The following CCDC38 variants were observed in gnomAD, a reference collection of about 807,000 sequenced individuals.
The protein encoded by CCDC38 is coiled-coil domain containing 38, also known as coiled-coil domain-containing protein 38.
A neutral mutation model predicts 72.8 loss-of-function variants in CCDC38; 69 were observed. The observed-to-expected ratio is 0.95, with a 90% CI of 0.78 to 1.16. The LOEUF (loss-of-function observed/expected upper bound fraction) is 1.16, where lower values mean the gene tolerates loss of function less well. Ranked by LOEUF, CCDC38 falls within the 50% of genes most tolerant of loss-of-function variation. The pLI is 0.00. For missense variants in CCDC38, 626 were observed against 638.9 expected (o/e 0.98, Z 0.22); for synonymous variants, 201 against 213.2 (o/e 0.94, Z 0.50).
At chr12:95,898,867 C>G (rs1043824340) in intron 5 of CCDC38, 136 bp from the exon 6 acceptor site, 1 of 858,108 alleles carries the variant, frequency 1.2e-6, no homozygotes, top group Admixed American at 2.9e-5. Flanking sequence ...GACTTTATTT[C>G]TTGAAGGAGT....
chr12:95,910,010 C>A (rs532368376), intron 4 of CCDC38, among the ~76,000 whole-genome samples: 2 of 152,272 alleles, frequency 1.3e-5, no homozygotes, highest in East Asian at 1.9e-4. Context: ...GATTTGCACT[C>A]TCAGCATTCC....
chr12:95,881,341 T>C (rs960401572), intron 11 of CCDC38, 144 bp downstream of exon 11: 5 of 522,784 alleles, frequency 9.6e-6, no homozygotes, highest in African/African-American at 6.1e-5. Flanking sequence ...ATATATCCAA[T>C]TGGAGAATAG....
chr12:95,920,098 G>A (rs909458788), intron 2 of CCDC38, among the ~76,000 whole-genome samples: 1 of 152,154 alleles, frequency 6.6e-6, no homozygotes, highest in Non-Finnish European at 1.5e-5. Context: ...TATCTGATAT[G>A]GATTGGCTGT....
intron 7 of CCDC38, among the ~76,000 whole-genome samples, chr12:95,895,754 GA>G (rs1206572260): frequency 0.011 from 398 of 37,248 alleles, 1 homozygote; most frequent in African/African-American, 0.034. Context: ...ACTCTGTCTC[GA>G]AAAAAAAAAA....
At chr12:95,891,118 T>C (rs1025879111) in intron 8 of CCDC38, among the ~76,000 whole-genome samples, 188 bp from the exon 9 acceptor site, 13 of 152,208 alleles carry the variant, frequency 8.5e-5, no homozygotes, top group Non-Finnish European at 1.5e-4. Context: ...AAACATAATA[T>C]GCAGATGGTA....
intron 4 of CCDC38, among the ~76,000 whole-genome samples, chr12:95,910,563 A>T (rs1354800301): frequency 1.3e-5 from 2 of 152,206 alleles, no homozygotes; most frequent in Admixed American, 6.5e-5. Context: ...ATTAGAAAAA[A>T]ACTATTCTAG....
chr12:95,875,077 A>G (rs2079621480), intron 13 of CCDC38, among the ~76,000 whole-genome samples: 1 of 152,350 alleles, frequency 6.6e-6, no homozygotes, highest in East Asian at 1.9e-4. Flanking sequence ...ACACTAAACA[A>G]CATGGATGAG....
At chr12:95,936,848 T>C (rs1380020664) in intron 1 of CCDC38, among the ~76,000 whole-genome samples, 1 of 152,250 alleles carries the variant, frequency 6.6e-6, no homozygotes, top group African/African-American at 2.4e-5. Context: ...CCTCTCTCCA[T>C]GGTATTGGTT....
intron 4 of CCDC38, among the ~76,000 whole-genome samples, chr12:95,910,689 C>A (rs565209452): frequency 5.3e-5 from 8 of 152,172 alleles, no homozygotes; most frequent in Non-Finnish European, 8.8e-5. Flanking sequence ...CAGCAAGAAA[C>A]CCATCTTTAC....
At chr12:95,926,914 T>C (rs1194840084) in intron 2 of CCDC38, among the ~76,000 whole-genome samples, 1 of 152,070 alleles carries the variant, frequency 6.6e-6, no homozygotes, top group Non-Finnish European at 1.5e-5. Context: ...AGATAGTTTG[T>C]TATAATTTCT....
rs60232857 is a variant in CCDC38, at chr12:95,879,809, A to G, written c.991-14T>C. 6,814 of 1,571,528 alleles carry G rather than the reference A, an allele frequency of 4.3e-3. 281 individuals carry two copies. The African/African-American group carries it at 0.084, about 19-fold the overall frequency. On this transcript the variant is annotated splice_polypyrimidine_tract_variant and intron_variant, in intron 11 of 15. Coordinates refer to ENST00000344280, the MANE Select transcript of CCDC38 (RefSeq NM_182496.3). This position sits in a 1 kb window ranked among gnomAD's most constrained non-coding sequence, Gnocchi z 5.5. ...AAGTGCTGGCTCCTAATTAATCAAT[A>G]ATGAAGAATATAATTTACTTAAAAA...
intron 10 of CCDC38, among the ~76,000 whole-genome samples, chr12:95,882,796 T>C (rs1292567999): frequency 6.6e-6 from 1 of 152,158 alleles, no homozygotes; most frequent in African/African-American, 2.4e-5. Context: ...CACTAATGAC[T>C]CTCACATCTC....
At chr12:95,889,763 A>G (rs1379829851) in intron 9 of CCDC38, among the ~76,000 whole-genome samples, 2 of 152,192 alleles carry the variant, frequency 1.3e-5, no homozygotes, top group Non-Finnish European at 2.9e-5. Context: ...GAGTGGACCC[A>G]GTAAGAACAA....
intron 5 of CCDC38, among the ~76,000 whole-genome samples, chr12:95,901,014 C>G (rs1440899748): frequency 2.6e-5 from 4 of 152,134 alleles, no homozygotes; most frequent in Non-Finnish European, 5.9e-5. Flanking sequence ...ATGATCCTAT[C>G]ACTGTATGGA....
intron 2 of CCDC38, among the ~76,000 whole-genome samples, chr12:95,928,243 TG>T (rs906327495): frequency 2.0e-5 from 3 of 152,190 alleles, no homozygotes; most frequent in Non-Finnish European, 2.9e-5. Context: ...CGTTTCTTTT[TG>T]TTCTTTTTTC....
intron 7 of CCDC38, among the ~76,000 whole-genome samples, chr12:95,897,497 C>A (rs1280907132): frequency 1.3e-5 from 2 of 150,702 alleles, no homozygotes; most frequent in African/African-American, 4.9e-5. Context: ...GTAATCCCAG[C>A]TACTCAAGTG....
intron 1 of CCDC38, among the ~76,000 whole-genome samples, chr12:95,939,002 G>A (rs1399445589): frequency 2.0e-5 from 3 of 152,146 alleles, no homozygotes; most frequent in Non-Finnish European, 2.9e-5. Context: ...TTTAGAGGTC[G>A]CATAAGCTAA....
intron 10 of CCDC38, among the ~76,000 whole-genome samples, chr12:95,881,980 C>A (rs375790786): frequency 1.3e-5 from 2 of 152,214 alleles, no homozygotes; most frequent in Admixed American, 1.3e-4. Context: ...TGACTGTCCC[C>A]AAGTAAGGCA....
intron 7 of CCDC38, among the ~76,000 whole-genome samples, chr12:95,896,339 C>A (rs981453154): frequency 2.6e-5 from 4 of 152,018 alleles, no homozygotes; most frequent in African/African-American, 9.7e-5. Context: ...CTTCACATTG[C>A]GTTATAGTAA....
Sources: gnomAD v4.1 joint callset for allele counts (sites outside exome capture counted in the v4.1 genomes callset) on GRCh38, gnomAD v4.1.1 for gene constraint, Gnocchi (gnomAD v3.1) non-coding constraint, MANE v1.5 for transcripts, NCBI Gene and HGNC (gene_info 2026-07-23, HGNC 2026-07-21) for gene names.